BCHE: variants seen among roughly 807,000 people sequenced by gnomAD.
BCHE encodes the protein butyrylcholinesterase.
Under a neutral mutation model 51.3 loss-of-function variants are expected in BCHE, and 48 were observed. The ratio of observed to expected loss-of-function variants is 0.94; its 90% CI spans 0.74 to 1.19. The LOEUF is 1.19. Among genes scored for constraint, BCHE ranks in the 50% most tolerant of loss-of-function variants. BCHE has a pLI of 0.00. For missense variants in BCHE, 847 were observed against 708.2 expected (o/e 1.20, Z -2.23); for synonymous variants, 251 against 238.0 (o/e 1.05, Z -0.50).
intron 3 of BCHE, among the ~76,000 whole-genome samples, chr3:165,776,633 A>C (rs1293580296): frequency 6.6e-6 from 1 of 151,884 alleles, no homozygotes; most frequent in Non-Finnish European, 1.5e-5. Context: ...TTAGAAATAA[A>C]GAACCCTAAC....
intron 2 of BCHE, among the ~76,000 whole-genome samples, chr3:165,824,392 A>T (rs1345749890): frequency 1.3e-5 from 2 of 152,024 alleles, no homozygotes; most frequent in African/African-American, 2.4e-5. Context: ...GACTCTCAAG[A>T]AATAGGAATA....
At chr3:165,800,785 G>A (rs554782217) in intron 2 of BCHE, among the ~76,000 whole-genome samples, 1 of 152,222 alleles carries the variant, frequency 6.6e-6, no homozygotes, top group South Asian at 2.1e-4. Flanking sequence ...TTTATTGCCT[G>A]ACATGTGCCA....
In BCHE at chr3:165,785,594, T is replaced by A. The variant is rs1310922609; in HGVS notation, c.1684+551A>T. ...TTTGTTTATAATATGTAATATTATA[T>A]CATATCATATTATGTAATGTGCGTG... On this transcript the variant is annotated intron_variant, in intron 3 of 3. Coordinates refer to ENST00000264381, the MANE Select transcript of BCHE (RefSeq NM_000055.4). Among the ~76,000 whole-genome samples the A allele has an allele frequency of 3.3e-5, 5 of 151,736 alleles. No homozygotes were observed. The South Asian group carries it at 6.2e-4, about 19-fold the overall frequency.
intron 2 of BCHE, among the ~76,000 whole-genome samples, chr3:165,788,249 A>C (rs1177015958): frequency 6.6e-6 from 1 of 152,044 alleles, no homozygotes; most frequent in African/African-American, 2.4e-5. Context: ...AATATGCACC[A>C]TAAATTCATA....
intron 2 of BCHE, among the ~76,000 whole-genome samples, chr3:165,815,424 T>C (rs995128063): frequency 3.3e-5 from 5 of 152,062 alleles, no homozygotes; most frequent in Non-Finnish European, 5.9e-5. Context: ...CTGTGGAATT[T>C]TGAGTAGCTT....
intron 2 of BCHE, among the ~76,000 whole-genome samples, chr3:165,809,443 G>T (rs966936420): frequency 6.6e-6 from 1 of 151,872 alleles, no homozygotes; most frequent in Non-Finnish European, 1.5e-5. Flanking sequence ...CTTACTTATT[G>T]TATACTTTTA....
At chr3:165,809,120 T>A (rs560007621) in intron 2 of BCHE, among the ~76,000 whole-genome samples, 25 of 152,274 alleles carry the variant, frequency 1.6e-4, no homozygotes, top group African/African-American at 6.0e-4. Flanking sequence ...TATTATTAAA[T>A]TTTTTAATGG....
intron 1 of BCHE, among the ~76,000 whole-genome samples, chr3:165,835,717 T>G (rs964180160): frequency 6.6e-6 from 1 of 151,970 alleles, no homozygotes; most frequent in African/African-American, 2.4e-5. Context: ...TGTATACATA[T>G]AGAAGACACT....
intron 2 of BCHE, among the ~76,000 whole-genome samples, chr3:165,800,765 A>G (rs1560011135): frequency 6.6e-6 from 1 of 152,148 alleles, no homozygotes; most frequent in Non-Finnish European, 1.5e-5. Flanking sequence ...TTGTTAGTCA[A>G]TAATTGAATT....
At chr3:165,815,631 G>C (rs942041564) in intron 2 of BCHE, among the ~76,000 whole-genome samples, 4 of 151,884 alleles carry the variant, frequency 2.6e-5, no homozygotes, top group African/African-American at 9.7e-5. Context: ...GACTCCAAAG[G>C]CTACCTGGTC....
chr3:165,831,007 G>A lies in BCHE; in HGVS notation c.27C>T (p.Cys9=). ...AAAGAAACCAAAAGAGAAATCTGAT[G>A]CATATGATTGTGACTTTGCTATGCA... MHSKVTII[C]IRFLFWFLLL... The change falls in exon 2 of 4, where the codon TGC becomes TGT. Residue 9 remains cysteine (C), a synonymous_variant. Coordinates refer to ENST00000264381, the MANE Select transcript of BCHE (RefSeq NM_000055.4). The A allele has an allele frequency of 1.2e-6, 2 of 1,613,022 alleles. No homozygotes were observed. Among genetic ancestry groups the A allele is most frequent in the African/African-American group, 1.3e-5 (1 of 75,014 alleles).
intron 3 of BCHE, among the ~76,000 whole-genome samples, chr3:165,783,779 C>A (rs1388721189): frequency 2.0e-5 from 3 of 151,604 alleles, no homozygotes; most frequent in Non-Finnish European, 4.4e-5. Flanking sequence ...TTTCTTTTTT[C>A]AAATAGTTAT....
At chr3:165,832,870 T>G (rs1715041586) in intron 1 of BCHE, among the ~76,000 whole-genome samples, 1 of 152,158 alleles carries the variant, frequency 6.6e-6, no homozygotes, top group Non-Finnish European at 1.5e-5. Context: ...ACGTAGGGTA[T>G]CATATTTCAA....
At chr3:165,778,739 C>T in intron 3 of BCHE, 1 of 437,156 alleles carries the variant, frequency 2.3e-6, no homozygotes, top group Non-Finnish European at 4.7e-6. Flanking sequence ...CATATAGGCT[C>T]TGTAAATGTT....
chr3:165,798,462 A>T (rs1713508259), intron 2 of BCHE, among the ~76,000 whole-genome samples: 1 of 152,050 alleles, frequency 6.6e-6, no homozygotes, highest in Non-Finnish European at 1.5e-5. Context: ...TTATGCAAAA[A>T]CTCAGTTAAC....
At chr3:165,784,463 T>C (rs540286443) in intron 3 of BCHE, among the ~76,000 whole-genome samples, 12 of 151,986 alleles carry the variant, frequency 7.9e-5, no homozygotes, top group Non-Finnish European at 1.6e-4. Context: ...TACAAAATTA[T>C]ATTTTCAAGA....
intron 2 of BCHE, among the ~76,000 whole-genome samples, chr3:165,800,479 A>G (rs200218109): frequency 6.6e-6 from 1 of 152,128 alleles, no homozygotes; most frequent in Admixed American, 6.5e-5. Flanking sequence ...GCTCAAAAAT[A>G]TCCCCATAAA....
intron 3 of BCHE, among the ~76,000 whole-genome samples, chr3:165,776,468 A>C (rs1712474917): frequency 6.6e-6 from 1 of 151,920 alleles, no homozygotes; most frequent in Non-Finnish European, 1.5e-5. Context: ...CTAAGTGTAA[A>C]TATTTTTTAT....
At chr3:165,816,290 A>G (rs1374680355) in intron 2 of BCHE, among the ~76,000 whole-genome samples, 1 of 151,952 alleles carries the variant, frequency 6.6e-6, no homozygotes, top group African/African-American at 2.4e-5. Context: ...CTATAAGGAA[A>G]GTAAATAAAA....
Sources: gnomAD v4.1 joint callset for allele counts (sites outside exome capture counted in the v4.1 genomes callset) on GRCh38, gnomAD v4.1.1 for gene constraint, MANE v1.5 for transcripts, NCBI Gene and HGNC (gene_info 2026-07-23, HGNC 2026-07-21) for gene names.